The following IRAK1BP1 variants were observed in gnomAD, a reference collection of about 807,000 sequenced individuals.
IRAK1BP1 encodes interleukin 1 receptor associated kinase 1 binding protein 1.
In IRAK1BP1, 24 loss-of-function variants were observed where a neutral mutation model predicts 28.0. That is an observed-to-expected ratio of 0.86 (90% CI 0.62 to 1.20). IRAK1BP1 has a LOEUF of 1.20. Ranked by LOEUF, IRAK1BP1 falls within the 50% of genes most tolerant of loss-of-function variation. The probability of loss-of-function intolerance (pLI) is 0.00; values close to 1 mark genes in which losing one functional copy is unlikely to be tolerated. For missense variants in IRAK1BP1, 336 were observed against 316.7 expected (o/e 1.06, Z -0.46); for synonymous variants, 131 against 116.3 (o/e 1.13, Z -0.81).
chr6:78,896,348 AC>A (rs375933344), intron 2 of IRAK1BP1, among the ~76,000 whole-genome samples: 29 of 151,054 alleles, frequency 1.9e-4, no homozygotes, highest in South Asian at 8.4e-4. Context: ...AAAAAAAAAA[AC>A]AACCTGTGAT....
In IRAK1BP1 at chr6:78,897,730, G is replaced by A. The variant is rs112867856; in HGVS notation, c.382-99G>A. On this transcript the variant is annotated intron_variant, in intron 2 of 3. Coordinates refer to ENST00000369940, the MANE Select transcript of IRAK1BP1 (RefSeq NM_001010844.4). ...AAAAATCTGTTACATACTATAAAAT[G>A]ACCTCATAGTCTGGCTATACTTTTT... 108 of 900,738 alleles carry A rather than the reference G, an allele frequency of 1.2e-4. No individual in the cohort carries two copies. In the African/African-American group the frequency reaches 1.4e-3, roughly 12 times the overall value. The allele number at this position is 900,738 out of a possible 1,614,324, so 55.8% of individuals were successfully genotyped here. A position where few individuals can be genotyped will look rare whatever the true frequency, so the allele number is the denominator to read the frequency against.
chr6:78,924,317 A>G (rs1226561332), intron 4 of IRAK1BP1, among the ~76,000 whole-genome samples: 1 of 152,222 alleles, frequency 6.6e-6, no homozygotes, highest in Admixed American at 6.5e-5. Context: ...GAAAATCTAG[A>G]AGAGATGGAT....
intron 1 of IRAK1BP1, among the ~76,000 whole-genome samples, chr6:78,877,525 C>T (rs1335250715): frequency 1.3e-5 from 2 of 152,130 alleles, no homozygotes; most frequent in Non-Finnish European, 2.9e-5. Flanking sequence ...CCAAGATGGC[C>T]AAATAGGAAC....
intron 4 of IRAK1BP1, among the ~76,000 whole-genome samples, chr6:78,932,076 A>G (rs1001914574): frequency 1.3e-5 from 2 of 152,206 alleles, no homozygotes; most frequent in South Asian, 4.1e-4. Flanking sequence ...TCGCTCATCC[A>G]TAAGAAGCAA....
chr6:78,962,211 A>G, the IRAK1BP1 span, among the ~76,000 whole-genome samples: 6 of 152,242 alleles, frequency 3.9e-5, no homozygotes, highest in Non-Finnish European at 7.4e-5. Flanking sequence ...GTATCCCTTT[A>G]TCTCAACTTT....
intron 1 of IRAK1BP1, among the ~76,000 whole-genome samples, chr6:78,868,895 G>C (rs377184736): frequency 6.0e-4 from 92 of 152,296 alleles, no homozygotes; most frequent in African/African-American, 2.0e-3. Flanking sequence ...CATTGAGTTG[G>C]TAAAAGTGCA....
In IRAK1BP1 at chr6:78,901,329, T is replaced by C. The variant is rs1472652928; in HGVS notation, c.*2995T>C. On this transcript the variant is annotated 3_prime_UTR_variant, in exon 4 of 4. Transcript: ENST00000369940. The stretch of plus-strand genomic sequence containing the variant: ...GCTTAGGGAAGAAATCATTCAAAGA[T>C]TGGAAAGACTTATGTGTAGTATTCT... 3.9e-5 allele frequency: 6 copies of C among 152,042 alleles called. No individual in the cohort carries two copies. The East Asian group carries it at 1.2e-3, about 29-fold the overall frequency. The allele number at this position is 152,042 out of a possible 1,614,324, so 9.4% of individuals were successfully genotyped here.
the IRAK1BP1 span, chr6:78,961,621 A>G: frequency 2.0e-6 from 3 of 1,513,920 alleles, no homozygotes; most frequent in African/African-American, 1.4e-5. Flanking sequence ...AAACACTGCT[A>G]AAGATCAGTA....
chr6:78,867,579 GTC>G lies in IRAK1BP1; in HGVS notation c.7_8del (p.Leu3AlafsTer17), dbSNP rs757823041. 4 of 1,613,254 alleles carry G rather than the reference GTC, an allele frequency of 2.5e-6. No individual in the cohort carries two copies. Among genetic ancestry groups the G allele is most frequent in the South Asian group, 1.1e-5 (1 of 91,040 alleles). On this transcript the variant is annotated frameshift_variant, in exon 1 of 4. Coordinates refer to ENST00000369940, the MANE Select transcript of IRAK1BP1 (RefSeq NM_001010844.4). LOFTEE classifies it high-confidence loss of function. ...ATGGAAACCCAGCTGCCATCGCTAT[GTC>G]TCTGCAAAAGACCCCTCCGACCCGA... is the stretch of plus-strand genomic sequence containing the variant. M[S>X]LQKTPPTRVF...
the IRAK1BP1 span, among the ~76,000 whole-genome samples, chr6:78,973,904 T>C: frequency 6.6e-6 from 1 of 151,708 alleles, no homozygotes; most frequent in East Asian, 1.9e-4. Flanking sequence ...CAAAGAGACT[T>C]AGACTCCCAC....
At chr6:78,922,252 A>G (rs1012423737) in intron 4 of IRAK1BP1, among the ~76,000 whole-genome samples, 19 of 152,228 alleles carry the variant, frequency 1.2e-4, no homozygotes, top group Admixed American at 1.0e-3. Context: ...GCTGAAAACC[A>G]TGGCACGAGA....
intron 1 of IRAK1BP1, among the ~76,000 whole-genome samples, chr6:78,872,594 A>G (rs1770830494): frequency 6.6e-6 from 1 of 152,212 alleles, no homozygotes; most frequent in East Asian, 1.9e-4. Context: ...AAAATTCAAA[A>G]TGCTCCAGTT....
intron 1 of IRAK1BP1, among the ~76,000 whole-genome samples, chr6:78,872,815 C>T (rs536971507): frequency 1.3e-5 from 2 of 152,236 alleles, no homozygotes; most frequent in South Asian, 4.1e-4. Flanking sequence ...ATTTTGCCAA[C>T]TTAGCAGTCC....
chr6:78,961,233 T>A, the IRAK1BP1 span, among the ~76,000 whole-genome samples: 3 of 152,040 alleles, frequency 2.0e-5, no homozygotes, highest in Admixed American at 2.0e-4. Flanking sequence ...ATTTCAGTGT[T>A]ATAAGTAATG....
downstream of IRAK1BP1, among the ~76,000 whole-genome samples, chr6:78,903,514 G>A (rs1355878696): frequency 6.6e-6 from 1 of 151,898 alleles, no homozygotes; most frequent in African/African-American, 2.4e-5. Flanking sequence ...ATGTATTAGG[G>A]TTTTATATGC....
intron 1 of IRAK1BP1, among the ~76,000 whole-genome samples, chr6:78,873,663 G>T (rs1317425382): frequency 1.3e-5 from 2 of 152,016 alleles, no homozygotes; most frequent in Non-Finnish European, 2.9e-5. Context: ...TAGAGACGGG[G>T]TCTTACTATG....
intron 2 of IRAK1BP1, among the ~76,000 whole-genome samples, chr6:78,889,562 C>T (rs1213401889): frequency 7.3e-6 from 1 of 137,502 alleles, no homozygotes; most frequent in African/African-American, 2.6e-5. Flanking sequence ...CTACAAGGAA[C>T]TGAAATTTAC....
the IRAK1BP1 span, chr6:78,956,360 A>T: frequency 3.9e-5 from 6 of 152,096 alleles, no homozygotes; most frequent in East Asian, 1.2e-3. Flanking sequence ...TCCCTTTCTC[A>T]CTTTCATAAA....
rs183989205 is a variant in IRAK1BP1, at chr6:78,893,031, G to T, written c.382-4798G>T. ...ACCCAAAAATATCCAAACTTTATGAGAATTATAAACCCATGGAGTCAAAAA... is the reference window on the plus strand; with the variant it reads ...ACCCAAAAATATCCAAACTTTATGATAATTATAAACCCATGGAGTCAAAAA... On this transcript the variant is annotated intron_variant, in intron 2 of 3. Coordinates refer to ENST00000369940, the MANE Select transcript of IRAK1BP1 (RefSeq NM_001010844.4). Among the ~76,000 whole-genome samples, 568 of 150,870 alleles carry T rather than the reference G, an allele frequency of 3.8e-3. 13 individuals carry two copies. The highest frequency in any genetic ancestry group is 0.035 in the Admixed American group (526 of 15,110).
Sources: allele counts gnomAD v4.1 joint callset (sites outside exome capture counted in the v4.1 genomes callset), GRCh38; gene constraint gnomAD v4.1.1; transcripts MANE v1.5; gene names NCBI Gene and HGNC (gene_info 2026-07-23, HGNC 2026-07-21).